MS4A13: variants seen among roughly 807,000 people sequenced by gnomAD.
The protein encoded by MS4A13 is membrane-spanning 4-domains subfamily A member 13.
In MS4A13, 21 loss-of-function variants were observed where a neutral mutation model predicts 18.4. The observed-to-expected ratio is 1.14, with a 90% confidence interval of 0.81 to 1.64. The LOEUF is 1.64. Among genes scored for constraint, MS4A13 ranks in the 40% most tolerant of loss-of-function variants. The pLI is 0.00. For synonymous variants in MS4A13, 62 were observed against 57.2 expected (o/e 1.08, Z -0.38); for missense variants, 173 against 176.8 (o/e 0.98, Z 0.12).
At chr11:60,529,599 T>G (rs987520199) in intron 6 of MS4A13, 139 bp downstream of exon 6, 14 of 421,462 alleles carry the variant, frequency 3.3e-5, no homozygotes, top group African/African-American at 3.0e-4. Context: ...TTATTTTTTA[T>G]TTTTGTTATT....
intron 6 of MS4A13, among the ~76,000 whole-genome samples, chr11:60,532,448 A>G (rs2086777354): frequency 6.6e-6 from 1 of 152,200 alleles, no homozygotes; most frequent in South Asian, 2.1e-4. Flanking sequence ...CCACCCGAAT[A>G]TTGCGCTTTT....
At chr11:60,524,932 T>C (rs993027615) in intron 4 of MS4A13, among the ~76,000 whole-genome samples, 1 of 152,188 alleles carries the variant, frequency 6.6e-6, no homozygotes, top group African/African-American at 2.4e-5. Flanking sequence ...AGTGCTGGGA[T>C]TACAGGCGTG....
At chr11:60,540,995 G>A (rs1486037870) in intron 6 of MS4A13, among the ~76,000 whole-genome samples, 1 of 149,830 alleles carries the variant, frequency 6.7e-6, no homozygotes, top group East Asian at 1.9e-4. Context: ...AAACACATGA[G>A]ACGTGTATAA....
Position 60,542,513 on chromosome 11 carries a change from T to C in MS4A13, c.403-6T>C. The C allele has an allele frequency of 6.2e-7, 1 of 1,604,214 alleles. No homozygotes were observed. Among genetic ancestry groups the C allele is most frequent in the Non-Finnish European group, 8.5e-7 (1 of 1,172,936 alleles). On this transcript the variant is annotated splice_polypyrimidine_tract_variant and splice_region_variant and intron_variant, in intron 6 of 6. Transcript: ENST00000378186. ...TATGATTTGTAAGAGGTTACTTTTT[T>C]TCCAGTTTCGAAGACAAAATGATCT... is the stretch of plus-strand genomic sequence containing the variant.
chr11:60,543,157 G>A (rs1590885032), downstream of MS4A13, among the ~76,000 whole-genome samples: 1 of 151,742 alleles, frequency 6.6e-6, no homozygotes, highest in African/African-American at 2.4e-5. Flanking sequence ...TCTTATCATT[G>A]TTTGGATCAC....
At chr11:60,532,391 G>A (rs1025437135) in intron 6 of MS4A13, among the ~76,000 whole-genome samples, 13 of 152,134 alleles carry the variant, frequency 8.5e-5, no homozygotes, top group African/African-American at 2.7e-4. Flanking sequence ...TTCCCTTTCC[G>A]AGTCAAAGAA....
intron 6 of MS4A13, among the ~76,000 whole-genome samples, chr11:60,538,593 A>C (rs1466450396): frequency 6.6e-6 from 1 of 152,144 alleles, no homozygotes; most frequent in Admixed American, 6.5e-5. Context: ...AATAAAAAAA[A>C]AAATTGCAGG....
At chr11:60,519,488 G>A (rs2086659516) in intron 3 of MS4A13, among the ~76,000 whole-genome samples, 1 of 152,098 alleles carries the variant, frequency 6.6e-6, no homozygotes. Flanking sequence ...TGGGGAAGTG[G>A]TTTGGTTGTT....
intron 4 of MS4A13, among the ~76,000 whole-genome samples, chr11:60,524,779 C>T (rs552146701): frequency 6.6e-6 from 1 of 151,924 alleles, no homozygotes; most frequent in African/African-American, 2.4e-5. Flanking sequence ...TCTGCCTCAG[C>T]CTCCCAAGTA....
In MS4A13 at chr11:60,529,448, C is replaced by T; in HGVS notation, c.390C>T (p.Ser130=). The change falls in exon 6 of 7, where the codon AGC becomes AGT. Residue 130 remains serine, a synonymous_variant. Transcript: ENST00000378186. ...TTGCACTTACACACTCAATATACAG[C>T]TGTTCCAATTTGGTAAGTGTTTACC... The part of the protein sequence containing the change: ...FSIALTHSIY[S]CSNLFRRQND... 6.3e-7 allele frequency: 1 copy of T among 1,599,126 alleles called. No homozygotes were observed. Among genetic ancestry groups the T allele is most frequent in the Non-Finnish European group, 8.5e-7 (1 of 1,171,872 alleles).
intron 6 of MS4A13, among the ~76,000 whole-genome samples, chr11:60,530,514 T>A (rs1191000512): frequency 6.6e-6 from 1 of 152,200 alleles, no homozygotes; most frequent in Non-Finnish European, 1.5e-5. Flanking sequence ...TAACTCTCCC[T>A]AAAAATGAAA....
intron 3 of MS4A13, among the ~76,000 whole-genome samples, chr11:60,519,622 A>T (rs1388981893): frequency 1.3e-5 from 2 of 152,218 alleles, no homozygotes; most frequent in Non-Finnish European, 2.9e-5. Flanking sequence ...ACAGGATATG[A>T]ATATGGGTTG....
At chr11:60,541,431 T>C (rs1184456887) in intron 6 of MS4A13, among the ~76,000 whole-genome samples, 1 of 152,166 alleles carries the variant, frequency 6.6e-6, no homozygotes, top group Admixed American at 6.5e-5. Flanking sequence ...GACATGGTGA[T>C]TAAAAGCAAC....
chr11:60,524,116 C>G (rs577452523), intron 4 of MS4A13, among the ~76,000 whole-genome samples, 163 bp downstream of exon 4: 2 of 152,016 alleles, frequency 1.3e-5, no homozygotes, highest in Non-Finnish European at 2.9e-5. Context: ...TTAATATAGA[C>G]AAATATACTG....
chr11:60,516,489 A>T (rs1432557974), intron 2 of MS4A13, among the ~76,000 whole-genome samples: 2 of 152,232 alleles, frequency 1.3e-5, no homozygotes, highest in Non-Finnish European at 2.9e-5. Flanking sequence ...GGGAGAAAAC[A>T]TTTCCACTCG....
At chr11:60,527,685 A>G (rs1409952726) in intron 5 of MS4A13, among the ~76,000 whole-genome samples, 1 of 151,958 alleles carries the variant, frequency 6.6e-6, no homozygotes, top group African/African-American at 2.4e-5. Context: ...AAAATACAAA[A>G]GTTAGCTGGG....
intron 6 of MS4A13, among the ~76,000 whole-genome samples, chr11:60,531,819 G>A (rs918091865): frequency 6.6e-6 from 1 of 152,014 alleles, no homozygotes; most frequent in Non-Finnish European, 1.5e-5. Context: ...TATTAGATTA[G>A]GGCTCATTCT....
At chr11:60,532,528 C>A (rs573018843) in intron 6 of MS4A13, among the ~76,000 whole-genome samples, 2 of 152,210 alleles carry the variant, frequency 1.3e-5, no homozygotes, top group Admixed American at 1.3e-4. Flanking sequence ...CCTACGCCCA[C>A]GGAATCTCGC....
At chr11:60,539,587 G>T (rs1449341533) in intron 6 of MS4A13, among the ~76,000 whole-genome samples, 1 of 151,946 alleles carries the variant, frequency 6.6e-6, no homozygotes, top group Non-Finnish European at 1.5e-5. Context: ...CTAATTTCAT[G>T]GAAAACATTC....
Sources: allele counts gnomAD v4.1 joint callset (sites outside exome capture counted in the v4.1 genomes callset), GRCh38; gene constraint gnomAD v4.1.1; transcripts MANE v1.5; gene names NCBI Gene and HGNC (gene_info 2026-07-23, HGNC 2026-07-21).